The following ARHGAP12 variants were observed in gnomAD, a reference collection of about 807,000 sequenced individuals.
ARHGAP12 encodes Rho GTPase activating protein 12, also known as rho GTPase-activating protein 12.
ARHGAP12 carries 64 observed loss-of-function variants against 108.6 expected under a neutral mutation model. The observed-to-expected ratio is 0.59, with a 90% CI of 0.48 to 0.73. The LOEUF (loss-of-function observed/expected upper bound fraction) is 0.73, where lower values mean the gene tolerates loss of function less well. Ranked by LOEUF, ARHGAP12 falls within the 30% of genes least tolerant of loss-of-function variation. The probability of loss-of-function intolerance (pLI) is 0.00; values close to 1 mark genes in which losing one functional copy is unlikely to be tolerated. For missense variants in ARHGAP12, 940 were observed against 1,005.9 expected (o/e 0.93, Z 0.89); for synonymous variants, 312 against 337.2 (o/e 0.93, Z 0.82).
intron 4 of ARHGAP12, among the ~76,000 whole-genome samples, chr10:31,860,605 C>T (rs1480590353): frequency 6.6e-6 from 1 of 152,068 alleles, no homozygotes; most frequent in East Asian, 1.9e-4. Flanking sequence ...CAGAATGATT[C>T]AATTGTAGCA....
chr10:31,865,374 G>T (rs1837284925), intron 3 of ARHGAP12, among the ~76,000 whole-genome samples: 1 of 152,076 alleles, frequency 6.6e-6, no homozygotes, highest in African/African-American at 2.4e-5. Context: ...CATACAGGTT[G>T]TATGTTTGCT....
At chr10:31,808,280 T>C (rs1456476572) in intron 19 of ARHGAP12, among the ~76,000 whole-genome samples, 3 of 152,148 alleles carry the variant, frequency 2.0e-5, no homozygotes, top group Admixed American at 6.6e-5. Flanking sequence ...GTACTTTCTA[T>C]CAGATGAAAG....
intron 9 of ARHGAP12, 39 bp downstream of exon 9, chr10:31,839,266 G>C (rs1157684848): frequency 6.4e-7 from 1 of 1,574,692 alleles, no homozygotes; most frequent in Non-Finnish European, 8.7e-7. Context: ...GAAAATGAAG[G>C]TGTCTATGCC....
chr10:31,905,379 C>T (rs1187768030), intron 3 of ARHGAP12, among the ~76,000 whole-genome samples: 2 of 152,112 alleles, frequency 1.3e-5, no homozygotes, highest in African/African-American at 2.4e-5. Context: ...TACAAGCGCA[C>T]ACTAAAATTC....
At chr10:31,841,943 G>A (rs551430829) in intron 7 of ARHGAP12, among the ~76,000 whole-genome samples, 1 of 151,676 alleles carries the variant, frequency 6.6e-6, no homozygotes, top group East Asian at 1.9e-4. Context: ...TAAGGTAGAG[G>A]GTAAAAAAGA....
At chr10:31,923,814 G>A (rs1839919586) in intron 1 of ARHGAP12, among the ~76,000 whole-genome samples, 1 of 152,154 alleles carries the variant, frequency 6.6e-6, no homozygotes, top group African/African-American at 2.4e-5. Context: ...AGGAGCTCAA[G>A]GAAATTTTTG....
intron 3 of ARHGAP12, among the ~76,000 whole-genome samples, chr10:31,874,994 AAAAAAAAAT>A (rs1447968507): frequency 3.3e-5 from 5 of 150,626 alleles, no homozygotes; most frequent in Admixed American, 1.3e-4. Flanking sequence ...AAAAAAAAAA[AAAAAAAAAT>A]TTTCACACAC....
chr10:31,814,289 T>C lies in ARHGAP12; in HGVS notation c.1804A>G (p.Lys602Glu), dbSNP rs1835122489. 1 of 1,614,000 alleles carries C rather than the reference T, an allele frequency of 6.2e-7. No individual in the cohort carries two copies. The change falls in exon 14 of 20, where the codon AAG becomes GAG. Residue 602 changes from lysine (K) to glutamate (E), a missense_variant. Coordinates refer to ENST00000344936, the MANE Select transcript of ARHGAP12 (RefSeq NM_018287.7). ...SPGIEKHDKE[K>E]EQKDPKKLRS... ...AGCTTTTTGGGATCCTTTTGTTCCT[T>C]TTCTTTATCATGCTTTTCTATTCCT...
chr10:31,819,359 G>A (rs1835325873), intron 12 of ARHGAP12, among the ~76,000 whole-genome samples: 1 of 152,136 alleles, frequency 6.6e-6, no homozygotes. Flanking sequence ...GGAAAGCCCT[G>A]AGACATGAGA....
chr10:31,893,522 T>C (rs1295774632), intron 3 of ARHGAP12, among the ~76,000 whole-genome samples: 3 of 151,946 alleles, frequency 2.0e-5, no homozygotes, highest in African/African-American at 7.3e-5. Flanking sequence ...CCTCGACTCA[T>C]ACACCCTCCC....
At chr10:31,891,236 C>G (rs550261435) in intron 3 of ARHGAP12, among the ~76,000 whole-genome samples, 84 of 152,288 alleles carry the variant, frequency 5.5e-4, no homozygotes, top group African/African-American at 1.9e-3. Context: ...AGTTTATCAT[C>G]ATCAATGAAT....
At chr10:31,862,532 G>C (rs1282759301) in intron 3 of ARHGAP12, among the ~76,000 whole-genome samples, 1 of 152,106 alleles carries the variant, frequency 6.6e-6, no homozygotes, top group Non-Finnish European at 1.5e-5. Context: ...CTTATGTTAT[G>C]TATTTGTATT....
rs1834810557 is a variant in ARHGAP12, at chr10:31,805,935, T to G, written c.*1723A>C. On this transcript the variant is annotated 3_prime_UTR_variant, in exon 20 of 20. Coordinates refer to ENST00000344936, the MANE Select transcript of ARHGAP12 (RefSeq NM_018287.7). The stretch of plus-strand genomic sequence containing the variant: ...CAAGTAGTTTGGTTTGTTATCAATT[T>G]AACACGCTCACAACAACAAATACAG... The G allele has an allele frequency of 6.6e-6, 1 of 152,180 alleles. No individual in the cohort carries two copies. The highest frequency in any genetic ancestry group is 1.5e-5 in the Non-Finnish European group (1 of 68,008). The allele number at this position is 152,180 out of a possible 1,614,324, so 9.4% of individuals were successfully genotyped here. A position where few individuals can be genotyped will look rare whatever the true frequency, so the allele number is the denominator to read the frequency against.
intron 1 of ARHGAP12, among the ~76,000 whole-genome samples, chr10:31,919,867 C>A (rs1304670851): frequency 6.6e-6 from 1 of 151,772 alleles, no homozygotes; most frequent in Non-Finnish European, 1.5e-5. Context: ...GCCAGTCATC[C>A]CAGCACTTTG....
intron 1 of ARHGAP12, among the ~76,000 whole-genome samples, chr10:31,919,665 C>A (rs925995802): frequency 2.0e-5 from 3 of 151,824 alleles, no homozygotes; most frequent in Admixed American, 6.6e-5. Flanking sequence ...GTGGTGGGTA[C>A]CTGTAGTCCC....
intron 3 of ARHGAP12, among the ~76,000 whole-genome samples, chr10:31,882,873 C>A (rs1838033935): frequency 2.0e-5 from 3 of 149,684 alleles, no homozygotes; most frequent in Non-Finnish European, 4.4e-5. Flanking sequence ...TTATCTAGCA[C>A]ACTGAAAGCT....
chr10:31,823,770 G>C (rs1187904858), intron 11 of ARHGAP12, among the ~76,000 whole-genome samples: 1 of 152,198 alleles, frequency 6.6e-6, no homozygotes. Context: ...GGCTCTGCTA[G>C]AGATCAGCTT....
chr10:31,837,711 GAGAA>G (rs1836081866), intron 9 of ARHGAP12, among the ~76,000 whole-genome samples: 7 of 152,180 alleles, frequency 4.6e-5, no homozygotes, highest in East Asian at 1.9e-4. Context: ...CTAGGGAATG[GAGAA>G]AGAGTTAGAA....
At chr10:31,832,213 T>C (rs1361509508) in intron 9 of ARHGAP12, among the ~76,000 whole-genome samples, 2 of 152,216 alleles carry the variant, frequency 1.3e-5, no homozygotes, top group Admixed American at 6.5e-5. Flanking sequence ...TTATTCAATA[T>C]ACTAACTCAC....
Sources: allele counts gnomAD v4.1 joint callset (sites outside exome capture counted in the v4.1 genomes callset), GRCh38; gene constraint gnomAD v4.1.1; transcripts MANE v1.5; gene names NCBI Gene and HGNC (gene_info 2026-07-23, HGNC 2026-07-21).